RALYL: variants seen among roughly 807,000 people sequenced by gnomAD.
RALYL encodes the protein RALY RNA binding protein like.
Under a neutral mutation model 35.1 loss-of-function variants are expected in RALYL, and 29 were observed. The ratio of observed to expected loss-of-function variants is 0.83; its 90% confidence interval spans 0.61 to 1.13. The LOEUF is 1.13. Among genes scored for constraint, RALYL ranks in the 50% most tolerant of loss-of-function variants. The pLI is 0.00. For synonymous variants in RALYL, 120 were observed against 127.6 expected (o/e 0.94, Z 0.40); for missense variants, 359 against 360.4 (o/e 1.00, Z 0.03).
intron 2 of RALYL, among the ~76,000 whole-genome samples, chr8:84,739,773 T>C (rs946640574): frequency 4.2e-4 from 64 of 151,900 alleles, no homozygotes; most frequent in African/African-American, 1.5e-3. Context: ...GAGAAATGAA[T>C]CTGAGACTCT....
In RALYL at chr8:84,255,552, T is replaced by G. The variant is rs752058096; in HGVS notation, c.-24+71128T>G. Among the ~76,000 whole-genome samples, 9 of 152,252 alleles carry G rather than the reference T, an allele frequency of 5.9e-5. No homozygotes were observed. The East Asian group carries it at 1.7e-3, about 30-fold the overall frequency. ...AGTTAGTGCAAATTTTTCTGGAAAG[T>G]TTGGTCAGGACCAGTGGGTGCAGAG... On this transcript the variant is annotated intron_variant, in intron 1 of 8. Transcript: ENST00000521268.
chr8:84,607,281 C>T (rs971942918), intron 2 of RALYL, among the ~76,000 whole-genome samples: 1 of 151,956 alleles, frequency 6.6e-6, no homozygotes, highest in African/African-American at 2.4e-5. Context: ...TTTTGACCCT[C>T]TCTGGCCAAA....
At chr8:84,218,634 A>G (rs1022273910) in intron 1 of RALYL, among the ~76,000 whole-genome samples, 1 of 151,992 alleles carries the variant, frequency 6.6e-6, no homozygotes, top group African/African-American at 2.4e-5. Flanking sequence ...CTCCCTCTGA[A>G]GAGTGTTTCT....
chr8:84,527,515 A>T (rs368213660), intron 1 of RALYL, among the ~76,000 whole-genome samples: 6 of 152,316 alleles, frequency 3.9e-5, no homozygotes, highest in African/African-American at 1.4e-4. Flanking sequence ...GTTTCTAAAA[A>T]TATATGTCAC....
chr8:84,764,826 C>T (rs1813527420), intron 2 of RALYL, among the ~76,000 whole-genome samples: 1 of 152,194 alleles, frequency 6.6e-6, no homozygotes, highest in African/African-American at 2.4e-5. Context: ...TAAGGACATA[C>T]TTCAAGTGTT....
intron 1 of RALYL, among the ~76,000 whole-genome samples, chr8:84,446,478 AC>A (rs1452642256): frequency 6.6e-5 from 10 of 152,136 alleles, no homozygotes; most frequent in Admixed American, 5.9e-4. Flanking sequence ...TAATTAAGAG[AC>A]CTGGATTTAA....
intron 2 of RALYL, among the ~76,000 whole-genome samples, chr8:84,605,206 A>G: frequency 6.6e-6 from 1 of 152,130 alleles, no homozygotes; most frequent in East Asian, 1.9e-4. Flanking sequence ...GATTTTCAAT[A>G]AAAGAACATT....
At chr8:84,598,164 C>T (rs530552427) in intron 2 of RALYL, among the ~76,000 whole-genome samples, 65 of 152,184 alleles carry the variant, frequency 4.3e-4, no homozygotes, top group African/African-American at 1.5e-3. Flanking sequence ...ATGTAACTTT[C>T]GCATTACTTA....
intron 3 of RALYL, among the ~76,000 whole-genome samples, chr8:84,779,505 C>T (rs1817605569): frequency 6.6e-6 from 1 of 152,130 alleles, no homozygotes; most frequent in Non-Finnish European, 1.5e-5. Flanking sequence ...TCATCTGGTA[C>T]TATTGCCAAA....
At chr8:84,473,978 TG>T (rs1317370798) in intron 1 of RALYL, among the ~76,000 whole-genome samples, 1 of 152,070 alleles carries the variant, frequency 6.6e-6, no homozygotes, top group Non-Finnish European at 1.5e-5. Flanking sequence ...ATGAAATTCT[TG>T]TTCATATTAC....
chr8:84,252,048 C>T (rs1346753939), intron 1 of RALYL, among the ~76,000 whole-genome samples: 1 of 151,892 alleles, frequency 6.6e-6, no homozygotes, highest in Admixed American at 6.6e-5. Context: ...CTTTACTTCC[C>T]CTATGCCCTT....
At chr8:84,555,650 G>A (rs375561428) in intron 2 of RALYL, among the ~76,000 whole-genome samples, 47 of 152,126 alleles carry the variant, frequency 3.1e-4, no homozygotes, top group Middle Eastern at 3.4e-3. Context: ...TTAATAATAC[G>A]TTCTAAAGTT....
chr8:84,315,525 A>G (rs372843714), intron 1 of RALYL, among the ~76,000 whole-genome samples: 3,751 of 152,228 alleles, frequency 0.025, 97 homozygotes, highest in Non-Finnish European at 0.031. Context: ...ATTGTAGGTT[A>G]GGAAACTTTC....
chr8:84,549,885 T>A (rs1032325699), intron 2 of RALYL, among the ~76,000 whole-genome samples: 1 of 152,162 alleles, frequency 6.6e-6, no homozygotes, highest in African/African-American at 2.4e-5. Context: ...CACCAATATT[T>A]GTTGTATATA....
At chr8:84,235,972 G>A (rs1339130232) in intron 1 of RALYL, among the ~76,000 whole-genome samples, 1 of 151,706 alleles carries the variant, frequency 6.6e-6, no homozygotes, top group Non-Finnish European at 1.5e-5. Context: ...TCACCATGTT[G>A]GCCAGGATGG....
intron 2 of RALYL, among the ~76,000 whole-genome samples, chr8:84,680,723 G>T (rs1282658048): frequency 1.6e-4 from 24 of 151,642 alleles, no homozygotes; most frequent in East Asian, 3.9e-4. Flanking sequence ...TAAATTTGTT[G>T]GAGTTCATTG....
intron 1 of RALYL, among the ~76,000 whole-genome samples, chr8:84,204,541 A>G (rs1014061300): frequency 6.6e-6 from 1 of 152,124 alleles, no homozygotes; most frequent in African/African-American, 2.4e-5. Context: ...CAACAATATT[A>G]CCTAAATCAA....
At position 84,789,062 on chromosome 8, in the gene RALYL, C is replaced by T. The variant is rs549568376; in HGVS notation, c.332+14408C>T. 5.9e-5 allele frequency among the ~76,000 whole-genome samples: 9 copies of T among 152,206 alleles called. No individual in the cohort carries two copies. The South Asian group carries it at 1.2e-3, about 21-fold the overall frequency. On this transcript the variant is annotated intron_variant, in intron 3 of 8. Transcript: ENST00000521268. ...TAGCGTGTGTGAGCTAAAAGAGTAA[C>T]GGAATAAAGTCCAGGTTGTAGCCTT...
At chr8:84,216,377 C>CA (rs1393795967) in intron 1 of RALYL, among the ~76,000 whole-genome samples, 1 of 149,268 alleles carries the variant, frequency 6.7e-6, no homozygotes, top group East Asian at 1.9e-4. Flanking sequence ...AGAGATGTAA[C>CA]ATTTTTAATA....
Sources: gnomAD v4.1 joint callset for allele counts (sites outside exome capture counted in the v4.1 genomes callset) on GRCh38, gnomAD v4.1.1 for gene constraint, MANE v1.5 for transcripts, NCBI Gene and HGNC (gene_info 2026-07-23, HGNC 2026-07-21) for gene names.